Variants in TATDN3 observed in about 807,000 individuals in gnomAD.
The protein encoded by TATDN3 is deoxyribonuclease TATDN3.
TATDN3 carries 29 observed loss-of-function variants against 40.1 expected under a neutral mutation model. The observed-to-expected ratio is 0.72, with a 90% CI of 0.54 to 0.99. The LOEUF (loss-of-function observed/expected upper bound fraction) is 0.99, where lower values mean the gene tolerates loss of function less well. Ranked by LOEUF, TATDN3 falls within the 50% of genes least tolerant of loss-of-function variation. TATDN3 has a pLI of 0.00. For synonymous variants in TATDN3, 105 were observed against 117.0 expected, an observed-to-expected ratio of 0.90 and a Z score of 0.66; for missense variants, 309 against 321.9, an observed-to-expected ratio of 0.96 and a Z score of 0.31.
rs1571950072 is a variant in TATDN3 at position 212,796,940 on chromosome 1, T to C, written c.174-172T>C. On this transcript the variant is annotated intron_variant, in intron 3 of 9. Transcript: ENST00000366974. ...TTGTAGATACAGGATTTCACCATGT[T>C]GGCCAGGCTGGTCTCAAACTCCTGG... is the stretch of plus-strand genomic sequence containing the variant. 1.8e-4 allele frequency: 98 copies of C among 547,412 alleles called. No homozygotes were observed. The East Asian group carries it at 2.9e-3, about 16-fold the overall frequency. The allele number at this position is 547,412 out of a possible 1,614,324, so 33.9% of individuals were successfully genotyped here.
intron 1 of TATDN3, among the ~76,000 whole-genome samples, chr1:212,793,611 A>G (rs1160097946): frequency 2.0e-5 from 3 of 152,230 alleles, no homozygotes; most frequent in Non-Finnish European, 4.4e-5. Context: ...GTATATAGGC[A>G]AGAGATGTTG....
At chr1:212,798,536 CAAAAAAAA>C (rs11296428) in intron 4 of TATDN3, among the ~76,000 whole-genome samples, 1 of 91,320 alleles carries the variant, frequency 1.1e-5, no homozygotes, top group African/African-American at 4.1e-5. Context: ...CTCAAAAACT[CAAAAAAAA>C]AAAAAAAAAA....
At chr1:212,799,322 C>A (rs935206172) in intron 4 of TATDN3, among the ~76,000 whole-genome samples, 9 of 152,014 alleles carry the variant, frequency 5.9e-5, no homozygotes, top group Admixed American at 2.0e-4. Flanking sequence ...AGAAAAAAAA[C>A]CCCTTGGCTA....
intron 4 of TATDN3, among the ~76,000 whole-genome samples, chr1:212,798,536 C>CAAA (rs11296428): frequency 1.6e-3 from 150 of 91,242 alleles, no homozygotes; most frequent in South Asian, 2.7e-3. Flanking sequence ...CTCAAAAACT[C>CAAA]AAAAAAAAAA....
At chr1:212,794,623 A>G in intron 1 of TATDN3, 1 of 374,142 alleles carries the variant, frequency 2.7e-6, no homozygotes, top group Non-Finnish European at 5.3e-6. Flanking sequence ...GCCTCAGCAT[A>G]ATGATGATAA....
chr1:212,800,332 C>T (rs964254795), intron 4 of TATDN3, among the ~76,000 whole-genome samples: 2 of 150,410 alleles, frequency 1.3e-5, no homozygotes, highest in Non-Finnish European at 2.9e-5. Context: ...GACTGGTTAA[C>T]TTACCAAAGT....
At chr1:212,806,783 T>TATATATACACACACAC (rs796710955) in intron 7 of TATDN3, among the ~76,000 whole-genome samples, 1 of 79,522 alleles carries the variant, frequency 1.3e-5, no homozygotes, top group African/African-American at 4.8e-5. Flanking sequence ...TATATATATA[T>TATATATACACACACAC]ACACACACAC....
chr1:212,805,502 C>T (rs555567640), intron 7 of TATDN3, among the ~76,000 whole-genome samples: 40 of 152,294 alleles, frequency 2.6e-4, no homozygotes, highest in Non-Finnish European at 4.3e-4. Context: ...GTGATCCACA[C>T]GCCTCGGCCT....
rs796710955 is a variant in TATDN3, at chr1:212,806,783, T to TATATACAC, written c.488-952_488-951insTATACACA. ...ATATATATATATATATATATATATA[T>TATATACAC]ACACACACACACACACATATATACA... On this transcript the variant is annotated intron_variant, in intron 7 of 9. Transcript: ENST00000366974. Among the ~76,000 whole-genome samples, 350 of 79,508 alleles carry TATATACAC rather than the reference T, an allele frequency of 4.4e-3. 50 individuals are homozygous for TATATACAC. Among genetic ancestry groups the TATATACAC allele is most frequent in the Admixed American group, 9.7e-3 (53 of 5,442 alleles). The allele number at this position is 79,508 out of a possible 152,430, so 52.2% of individuals were successfully genotyped here.
chr1:212,806,826 A>G (rs1433306117), intron 7 of TATDN3, among the ~76,000 whole-genome samples: 7 of 99,018 alleles, frequency 7.1e-5, no homozygotes, highest in Non-Finnish European at 1.3e-4. Flanking sequence ...ACACATATAT[A>G]CATATATATA....
intron 5 of TATDN3, 79 bp downstream of exon 5, chr1:212,802,842 T>C (rs1662250388): frequency 1.0e-6 from 1 of 996,940 alleles, no homozygotes; most frequent in South Asian, 1.4e-5. Context: ...TAGTTCAGTA[T>C]TGGTGATTAT....
rs771048357 is a variant in TATDN3 at position 212,812,253 on chromosome 1, G to A, written c.606G>A (p.Gln202=). Reference sequence around the variant, plus strand: ...TGCTTTCTCTTTTCTCTAAGAAGCAGAAACTTGTGAAACAATTGCCTTTAA... The same window carrying A: ...TGCTTTCTCTTTTCTCTAAGAAGCAAAAACTTGTGAAACAATTGCCTTTAA... ...PPSIIRSGQK[Q]KLVKQLPLTS... The change falls in exon 9 of 10, where the codon CAG becomes CAA. Residue 202 remains glutamine (Q), a synonymous_variant. Coordinates refer to ENST00000366974, the MANE Select transcript of TATDN3 (RefSeq NM_001042552.3). 4.5e-5 allele frequency: 71 copies of A among 1,572,732 alleles called. 1 individual carries two copies. In the Admixed American group the frequency reaches 1.4e-3, roughly 32 times the overall value.
intron 5 of TATDN3, among the ~76,000 whole-genome samples, 177 bp from the exon 6 acceptor site, chr1:212,804,143 A>C (rs1662322997): frequency 6.6e-6 from 1 of 152,230 alleles, no homozygotes; most frequent in Non-Finnish European, 1.5e-5. Flanking sequence ...TATATTATTA[A>C]GATTGATTTC....
chr1:212,815,358 T>C lies in TATDN3; in HGVS notation c.*202T>C, dbSNP rs1663127634. The C allele has an allele frequency of 1.9e-6, 1 of 540,506 alleles. No homozygotes were observed. The highest frequency in any genetic ancestry group is 4.0e-5 in the Admixed American group (1 of 25,282). The allele number at this position is 540,506 out of a possible 1,614,324, so 33.5% of individuals were successfully genotyped here. Reference sequence around the variant, plus strand: ...GGTTCTGATTCTAGCCTTGTGCTGCTTTTCAATTAGCCGAGTTCTGGCAGG... The same window carrying C: ...GGTTCTGATTCTAGCCTTGTGCTGCCTTTCAATTAGCCGAGTTCTGGCAGG... On this transcript the variant is annotated 3_prime_UTR_variant, in exon 10 of 10. Transcript: ENST00000366974.
chr1:212,799,821 G>A (rs1410048742), intron 4 of TATDN3, among the ~76,000 whole-genome samples: 2 of 152,166 alleles, frequency 1.3e-5, no homozygotes, highest in Non-Finnish European at 2.9e-5. Context: ...TTATAGGTGT[G>A]AGCCACCACA....
At position 212,812,306 on chromosome 1, in the gene TATDN3, C is replaced by T; in HGVS notation, c.659C>T (p.Pro220Leu). Residue 220 changes from proline (P) to leucine (L), a missense_variant, in exon 9 of 10, where the codon CCT becomes CTT. Pro to Leu is a moderately conservative substitution (Grantham distance 98). Coordinates refer to ENST00000366974, the MANE Select transcript of TATDN3 (RefSeq NM_001042552.3). ...TCTATATGCTTAGAAACAGATTCAC[C>T]TGCACTAGGACCAGAAAAACAGGTA... is the stretch of plus-strand genomic sequence containing the variant. Reference protein sequence around the residue: ...LTSICLETDSPALGPEKQVRN... With the variant: ...LTSICLETDSLALGPEKQVRN... The T allele has an allele frequency of 1.9e-6, 3 of 1,567,850 alleles. No individual in the cohort carries two copies. Among genetic ancestry groups the T allele is most frequent in the Non-Finnish European group, 2.6e-6 (3 of 1,156,670 alleles).
At position 212,809,012 on chromosome 1, in the gene TATDN3, TAAA is replaced by T. The variant is rs965555890; in HGVS notation, c.600+1167_600+1169del. Among the ~76,000 whole-genome samples, 6 of 152,088 alleles carry T rather than the reference TAAA, an allele frequency of 3.9e-5. No homozygotes were observed. In the East Asian group the frequency reaches 1.2e-3, roughly 29 times the overall value. ...ATCCATATAATGGAATATAAAGTCA[TAAA>T]AAGGAATGAAGAGGAATAAAGTCAT... On this transcript the variant is annotated intron_variant, in intron 8 of 9. Transcript: ENST00000366974.
Position 212,798,333 on chromosome 1 carries a change from A to T in TATDN3, c.258+1137A>T, listed in dbSNP as rs147882256. Among the ~76,000 whole-genome samples, 809 of 151,938 alleles carry T rather than the reference A, an allele frequency of 5.3e-3. 7 individuals carry two copies. Among genetic ancestry groups the T allele is most frequent in the East Asian group, 0.02 (106 of 5,176 alleles). On this transcript the variant is annotated intron_variant, in intron 4 of 9. Transcript: ENST00000366974. ...AGAGTGAGACTCCATCTCAAAAAAAAAATAATAATAATAATGTATCTCTCT... is the reference window on the plus strand; with the variant it reads ...AGAGTGAGACTCCATCTCAAAAAAATAATAATAATAATAATGTATCTCTCT...
At chr1:212,801,060 T>C (rs1161186944) in intron 4 of TATDN3, among the ~76,000 whole-genome samples, 3 of 151,806 alleles carry the variant, frequency 2.0e-5, no homozygotes, top group Non-Finnish European at 4.4e-5. Flanking sequence ...CATGGTGGCA[T>C]GTGCCTATAG....
Sources: gnomAD v4.1 joint callset for allele counts (sites outside exome capture counted in the v4.1 genomes callset) on GRCh38, gnomAD v4.1.1 for gene constraint, MANE v1.5 for transcripts, NCBI Gene and HGNC (gene_info 2026-07-23, HGNC 2026-07-21) for gene names.